Variants in MALRD1 observed in about 807,000 individuals in gnomAD.
MALRD1 encodes MAM and LDL-receptor class A domain-containing protein 1.
A neutral mutation model predicts 242.1 loss-of-function variants in MALRD1; 247 were observed. The observed-to-expected ratio is 1.02, with a 90% CI of 0.92 to 1.13. The LOEUF (loss-of-function observed/expected upper bound fraction) is 1.13, where lower values mean the gene tolerates loss of function less well. MALRD1 is among the 50% of genes most tolerant of loss of function. The pLI, the probability that MALRD1 is intolerant of heterozygous loss-of-function variation, is 0.00. For synonymous variants in MALRD1, 995 were observed against 866.6 expected, an observed-to-expected ratio of 1.15 and a Z score of -2.60; for missense variants, 2,989 against 2,533.1, an observed-to-expected ratio of 1.18 and a Z score of -3.86.
At chr10:19,226,622 G>A (rs965334407) in intron 18 of MALRD1, among the ~76,000 whole-genome samples, 5 of 151,138 alleles carry the variant, frequency 3.3e-5, no homozygotes, top group Admixed American at 6.6e-5. Flanking sequence ...TTCTAAAACA[G>A]GGAGAAAGAA....
At chr10:19,104,560 A>G (rs1256117945) in intron 5 of MALRD1, among the ~76,000 whole-genome samples, 1 of 152,134 alleles carries the variant, frequency 6.6e-6, no homozygotes, top group African/African-American at 2.4e-5. Flanking sequence ...GATTATATTA[A>G]CTAATATTCT....
At chr10:19,229,781 A>C (rs994809599) in intron 18 of MALRD1, among the ~76,000 whole-genome samples, 1 of 152,008 alleles carries the variant, frequency 6.6e-6, no homozygotes, top group Non-Finnish European at 1.5e-5. Context: ...TGTAACCTCT[A>C]TATCTGCTGT....
At chr10:19,625,751 A>T (rs913829765) in intron 36 of MALRD1, among the ~76,000 whole-genome samples, 3 of 152,156 alleles carry the variant, frequency 2.0e-5, no homozygotes, top group African/African-American at 7.2e-5. Flanking sequence ...TTTACTGAAG[A>T]ATGTTTTTTA....
intron 36 of MALRD1, among the ~76,000 whole-genome samples, chr10:19,691,074 G>A (rs886110230): frequency 3.9e-5 from 6 of 152,026 alleles, no homozygotes; most frequent in Admixed American, 1.3e-4. Flanking sequence ...GTGTGTGCAC[G>A]TGTGAAAGAT....
intron 21 of MALRD1, among the ~76,000 whole-genome samples, chr10:19,307,028 G>T (rs1842241992): frequency 6.6e-6 from 1 of 151,510 alleles, no homozygotes; most frequent in Non-Finnish European, 1.5e-5. Context: ...ATCAAATCAT[G>T]CTGAACAGAG....
intron 31 of MALRD1, among the ~76,000 whole-genome samples, chr10:19,514,045 A>G (rs977272265): frequency 2.0e-5 from 3 of 152,202 alleles, no homozygotes; most frequent in Non-Finnish European, 4.4e-5. Context: ...AAGATAAAAT[A>G]TTTTAGGCTT....
intron 18 of MALRD1, among the ~76,000 whole-genome samples, chr10:19,222,494 C>A (rs1473231288): frequency 1.3e-5 from 2 of 152,086 alleles, no homozygotes; most frequent in African/African-American, 4.8e-5. Flanking sequence ...TAAATATACA[C>A]GTGTAATACG....
intron 36 of MALRD1, among the ~76,000 whole-genome samples, chr10:19,618,259 G>A (rs746290215): frequency 6.6e-5 from 10 of 151,914 alleles, no homozygotes; most frequent in Non-Finnish European, 1.0e-4. Flanking sequence ...TTGATTCTAC[G>A]TCATTGCTAT....
chr10:19,535,930 A>C (rs1345621978), intron 32 of MALRD1, among the ~76,000 whole-genome samples: 1 of 152,204 alleles, frequency 6.6e-6, no homozygotes, highest in African/African-American at 2.4e-5. Context: ...GATGTGGCAA[A>C]GAAAATACCT....
intron 28 of MALRD1, among the ~76,000 whole-genome samples, chr10:19,439,266 C>T (rs1014957785): frequency 1.9e-4 from 29 of 151,276 alleles, no homozygotes; most frequent in Admixed American, 5.9e-4. Context: ...CATGGTGGCT[C>T]TTGCCTGCAG....
At chr10:19,605,536 C>A (rs1311405387) in intron 34 of MALRD1, among the ~76,000 whole-genome samples, 1 of 150,376 alleles carries the variant, frequency 6.6e-6, no homozygotes, top group African/African-American at 2.4e-5. Flanking sequence ...ATCCAACCTC[C>A]CTAGTCAAAA....
At chr10:19,704,222 A>C (rs186036530) in intron 38 of MALRD1, among the ~76,000 whole-genome samples, 4 of 152,324 alleles carry the variant, frequency 2.6e-5, no homozygotes, top group Admixed American at 2.6e-4. Context: ...ATTTCATAGA[A>C]TCGTAAGTCA....
intron 33 of MALRD1, among the ~76,000 whole-genome samples, chr10:19,586,633 G>A (rs991624254): frequency 2.6e-5 from 4 of 152,208 alleles, no homozygotes; most frequent in Admixed American, 6.5e-5. Flanking sequence ...CTTCAAAGCT[G>A]TCAGACAGGG....
chr10:19,264,432 AT>A lies in MALRD1; in HGVS notation c.3079+6670del, dbSNP rs961409187. On this transcript the variant is annotated intron_variant, in intron 19 of 39. Transcript: ENST00000454679. ...CTTTTCTGGCTTGGAATCAGGCTGA[AT>A]TTTTTTTTCCTTTTTTCTTTTTCTT... Among the ~76,000 whole-genome samples, 102 of 143,498 alleles carry A rather than the reference AT, an allele frequency of 7.1e-4. 1 individual carries two copies. Among genetic ancestry groups the A allele is most frequent in the African/African-American group, 2.4e-3 (96 of 39,292 alleles). 94.1% of individuals were successfully genotyped at this position (143,498 alleles called of 152,430 possible).
At chr10:19,687,289 AAG>A (rs1842618959) in intron 36 of MALRD1, among the ~76,000 whole-genome samples, 1 of 152,188 alleles carries the variant, frequency 6.6e-6, no homozygotes, top group Admixed American at 6.5e-5. Context: ...TGAAATAGCA[AAG>A]AGATTACCTG....
At chr10:19,365,781 A>G (rs1588970956) in intron 26 of MALRD1, among the ~76,000 whole-genome samples, 1 of 151,666 alleles carries the variant, frequency 6.6e-6, no homozygotes, top group Non-Finnish European at 1.5e-5. Context: ...TCATTCTGGT[A>G]TACAATACGA....
At chr10:19,187,175 G>C (rs1371250244) in intron 14 of MALRD1, among the ~76,000 whole-genome samples, 1 of 152,126 alleles carries the variant, frequency 6.6e-6, no homozygotes, top group Admixed American at 6.5e-5. Context: ...CTAATTTATA[G>C]CTCTGTAAAA....
At chr10:19,185,960 A>G (rs1835721497) in intron 14 of MALRD1, among the ~76,000 whole-genome samples, 1 of 152,104 alleles carries the variant, frequency 6.6e-6, no homozygotes, top group Admixed American at 6.6e-5. Context: ...AAGGATTTCT[A>G]TGATGTGTCT....
intron 38 of MALRD1, among the ~76,000 whole-genome samples, chr10:19,714,911 C>T (rs1451811944): frequency 6.6e-6 from 1 of 152,028 alleles, no homozygotes; most frequent in African/African-American, 2.4e-5. Flanking sequence ...ACAACAGGCC[C>T]ATAAATAGAA....
Sources: allele counts gnomAD v4.1 joint callset (sites outside exome capture counted in the v4.1 genomes callset), GRCh38; gene constraint gnomAD v4.1.1; transcripts MANE v1.5; gene names NCBI Gene and HGNC (gene_info 2026-07-23, HGNC 2026-07-21).